ALX4: variants seen among roughly 807,000 people sequenced by gnomAD.
ALX4 encodes the protein ALX homeobox 4.
ALX4 carries 22 observed loss-of-function variants against 40.6 expected under a neutral mutation model. That is an observed-to-expected ratio of 0.54 (90% confidence interval 0.39 to 0.77). The LOEUF is 0.77. ALX4 is among the 30% of genes least tolerant of loss of function. ALX4 has a pLI of 0.00. For synonymous variants in ALX4, 266 were observed against 240.5 expected, an observed-to-expected ratio of 1.11 and a Z score of -0.98; for missense variants, 556 against 564.8, an observed-to-expected ratio of 0.98 and a Z score of 0.16.
intron 1 of ALX4, among the ~76,000 whole-genome samples, chr11:44,306,004 C>G (rs149058446): frequency 1.1e-4 from 17 of 152,212 alleles, no homozygotes; most frequent in Admixed American, 5.2e-4. Flanking sequence ...CAGGGAGGCT[C>G]TCTGCGTCGC....
chr11:44,297,664 T>G (rs1330335012), intron 1 of ALX4, among the ~76,000 whole-genome samples: 1 of 152,052 alleles, frequency 6.6e-6, no homozygotes, highest in Non-Finnish European at 1.5e-5. Context: ...TGCAGTGAGC[T>G]GAGATTGCGC....
intron 1 of ALX4, among the ~76,000 whole-genome samples, chr11:44,285,429 T>C (rs1653709541): frequency 6.6e-6 from 1 of 152,256 alleles, no homozygotes; most frequent in Non-Finnish European, 1.5e-5. Context: ...TTTGAAATCA[T>C]AGCAGGTCTG....
At chr11:44,280,119 C>T (rs996928479) in intron 1 of ALX4, among the ~76,000 whole-genome samples, 1 of 152,168 alleles carries the variant, frequency 6.6e-6, no homozygotes. Flanking sequence ...CACGCAATGA[C>T]GAATGCCACC....
chr11:44,265,082 G>A lies in ALX4; in HGVS notation c.1008C>T (p.Ala336=). Residue 336 remains alanine (A), a synonymous_variant, in exon 4 of 4, where the codon GCC becomes GCT. Transcript: ENST00000652299. ...TGCTGGCCCCAGAGCCAGGGGGGTG[G>A]GCATGAGGGGACATGCAGGCAGGCA... ...DPVPACMSPH[A]HPPGSGASSV... The A allele has an allele frequency of 6.2e-7, 1 of 1,612,884 alleles. No individual in the cohort carries two copies. Among genetic ancestry groups the A allele is most frequent in the Non-Finnish European group, 8.5e-7 (1 of 1,179,880 alleles).
intron 1 of ALX4, among the ~76,000 whole-genome samples, chr11:44,304,796 T>G (rs1296961334): frequency 6.6e-6 from 1 of 152,036 alleles, no homozygotes; most frequent in Non-Finnish European, 1.5e-5. Flanking sequence ...GAAACCAGAG[T>G]CCTCCGGGAC....
chr11:44,274,076 G>A (rs1956263802), intron 2 of ALX4, among the ~76,000 whole-genome samples: 1 of 152,198 alleles, frequency 6.6e-6, no homozygotes, highest in Non-Finnish European at 1.5e-5. Context: ...GGAGTTTGAG[G>A]CTGCAGTGAG....
chr11:44,280,149 A>G (rs1481400574), intron 1 of ALX4, among the ~76,000 whole-genome samples: 3 of 152,242 alleles, frequency 2.0e-5, no homozygotes, highest in Non-Finnish European at 2.9e-5. Context: ...TGACAGCACA[A>G]ACAGCAAAGG....
chr11:44,270,731 G>A (rs1334908624), intron 2 of ALX4, among the ~76,000 whole-genome samples: 2 of 152,122 alleles, frequency 1.3e-5, no homozygotes, highest in Non-Finnish European at 2.9e-5. Context: ...CAACCACGAG[G>A]TCCCCACTGT....
At chr11:44,288,137 C>G (rs1956349848) in intron 1 of ALX4, among the ~76,000 whole-genome samples, 1 of 152,158 alleles carries the variant, frequency 6.6e-6, no homozygotes, top group Non-Finnish European at 1.5e-5. Context: ...ATCCACCTTC[C>G]TCGACCTCCC....
intron 1 of ALX4, among the ~76,000 whole-genome samples, chr11:44,309,031 G>A (rs965385168): frequency 6.6e-6 from 1 of 152,242 alleles, no homozygotes; most frequent in African/African-American, 2.4e-5. Flanking sequence ...TTTCCCGTGA[G>A]CTTTCGGCCA....
chr11:44,293,615 A>G (rs1956386009), intron 1 of ALX4, among the ~76,000 whole-genome samples: 2 of 152,180 alleles, frequency 1.3e-5, no homozygotes, highest in East Asian at 3.9e-4. Flanking sequence ...ATCTTCTCTC[A>G]TGGGGCTAAA....
At chr11:44,290,042 G>A (rs1344259050) in intron 1 of ALX4, among the ~76,000 whole-genome samples, 1 of 152,218 alleles carries the variant, frequency 6.6e-6, no homozygotes, top group Non-Finnish European at 1.5e-5. Context: ...GCCTGATAAT[G>A]GAAGGGCCAG....
chr11:44,284,419 T>C lies in ALX4; in HGVS notation c.467-8761A>G, dbSNP rs367711866. ...TAAACTGGAATTTTAGATAAACAGT[T>C]AACACTTTAAACAATATAAGTATAT... On this transcript the variant is annotated intron_variant, in intron 1 of 3. Transcript: ENST00000652299. 6.6e-5 allele frequency among the ~76,000 whole-genome samples: 10 copies of C among 152,336 alleles called. No homozygotes were observed. The East Asian group carries it at 9.6e-4, about 15-fold the overall frequency.
chr11:44,297,009 CAAAAAAAAAAAAAA>C (rs60856634), intron 1 of ALX4, among the ~76,000 whole-genome samples: 5 of 86,890 alleles, frequency 5.8e-5, no homozygotes, highest in East Asian at 7.6e-4. Context: ...AACTCTGTCT[CAAAAAAAAAAAAAA>C]AAAAAAAAGG....
intron 1 of ALX4, among the ~76,000 whole-genome samples, chr11:44,286,497 C>T (rs1956339441): frequency 6.6e-6 from 1 of 152,170 alleles, no homozygotes; most frequent in Admixed American, 6.5e-5. Context: ...CACCAGGAGG[C>T]ACTGCAGTTC....
At chr11:44,276,000 C>A (rs1486237776) in intron 1 of ALX4, among the ~76,000 whole-genome samples, 1 of 152,212 alleles carries the variant, frequency 6.6e-6, no homozygotes, top group Non-Finnish European at 1.5e-5. Context: ...AGAGGGATTC[C>A]CTGCATCAGG....
chr11:44,277,566 T>G (rs1211756962), intron 1 of ALX4, among the ~76,000 whole-genome samples: 2 of 152,150 alleles, frequency 1.3e-5, no homozygotes, highest in African/African-American at 2.4e-5. Flanking sequence ...CTTCTGGAAA[T>G]AGGTCCAAGC....
Position 44,309,614 on chromosome 11 carries a change from A to G in ALX4, c.449T>C (p.Leu150Ser), listed in dbSNP as rs1443974757. 1.9e-6 allele frequency: 3 copies of G among 1,587,650 alleles called. No individual in the cohort carries two copies. The highest frequency in any genetic ancestry group is 2.6e-6 in the Non-Finnish European group (3 of 1,174,968). Reference protein sequence around the residue: ...QEGSSGHSAALQVPCYAKESS... With the variant: ...QEGSSGHSAASQVPCYAKESS... ...GCACTCACCGTAGCAGGGAACCTGC[A>G]AGGCCGCGCTGTGGCCGCTGCTGCC... The change falls in exon 1 of 4, where the codon TTG (leucine) becomes TCG (serine). Residue 150 changes from leucine (L) to serine (S), a missense_variant. Coordinates refer to ENST00000652299, the MANE Select transcript of ALX4 (RefSeq NM_021926.4).
chr11:44,278,896 G>T (rs1956293399), intron 1 of ALX4, among the ~76,000 whole-genome samples: 1 of 152,170 alleles, frequency 6.6e-6, no homozygotes, highest in Non-Finnish European at 1.5e-5. Context: ...CGCTGCTCCT[G>T]GTTCCTCAAG....
Sources: allele counts gnomAD v4.1 joint callset (sites outside exome capture counted in the v4.1 genomes callset), GRCh38; gene constraint gnomAD v4.1.1; transcripts MANE v1.5; gene names NCBI Gene and HGNC (gene_info 2026-07-23, HGNC 2026-07-21).